USP31: variants seen among roughly 807,000 people sequenced by gnomAD.
The protein encoded by USP31 is ubiquitin specific peptidase 31.
In USP31, 44 loss-of-function variants were observed where a neutral mutation model predicts 119.4. That is an observed-to-expected ratio of 0.37 (90% CI 0.29 to 0.47). USP31 has a LOEUF of 0.47. USP31 is among the 20% of genes least tolerant of loss of function. The pLI, the probability that USP31 is intolerant of heterozygous loss-of-function variation, is 0.99. For synonymous variants in USP31, 749 were observed against 705.6 expected, an observed-to-expected ratio of 1.06 and a Z score of -0.97; for missense variants, 1,643 against 1,730.2, an observed-to-expected ratio of 0.95 and a Z score of 0.89.
chr16:23,148,608 C>A, intron 1 of USP31, 30 bp downstream of exon 1: 1 of 1,440,938 alleles, frequency 6.9e-7, no homozygotes, highest in Non-Finnish European at 9.0e-7. Flanking sequence ...GCTCGGGGTG[C>A]AGTGGGGGCG....
At chr16:23,145,286 C>T (rs769981972) in intron 1 of USP31, among the ~76,000 whole-genome samples, 8 of 152,168 alleles carry the variant, frequency 5.3e-5, no homozygotes, top group Admixed American at 2.6e-4. Flanking sequence ...TCTTGGGCAC[C>T]GCTCCAGCTC....
At chr16:23,094,322 G>A (rs1182378187) in intron 6 of USP31, among the ~76,000 whole-genome samples, 1 of 152,212 alleles carries the variant, frequency 6.6e-6, no homozygotes, top group Non-Finnish European at 1.5e-5. Flanking sequence ...TGAGGCTTGA[G>A]TAGGTAAACA....
intron 1 of USP31, among the ~76,000 whole-genome samples, chr16:23,142,733 T>C (rs1903388203): frequency 6.6e-6 from 1 of 152,152 alleles, no homozygotes; most frequent in South Asian, 2.1e-4. Context: ...CCCTCAGAGG[T>C]GTGGAGCTTT....
intron 5 of USP31, among the ~76,000 whole-genome samples, chr16:23,104,974 T>C (rs1187193419): frequency 3.3e-5 from 5 of 152,224 alleles, no homozygotes; most frequent in African/African-American, 1.2e-4. Flanking sequence ...CCAGCCGTAA[T>C]GAGAAAACAA....
chr16:23,085,764 GATTA>G, intron 9 of USP31, 102 bp from the exon 10 acceptor site: 1 of 1,066,358 alleles, frequency 9.4e-7, no homozygotes, highest in Non-Finnish European at 1.4e-6. Flanking sequence ...AATTTCAGGT[GATTA>G]ATGAAAATCT....
chr16:23,102,491 G>T (rs781188258), intron 5 of USP31, 28 bp from the exon 6 acceptor site: 19 of 1,591,122 alleles, frequency 1.2e-5, no homozygotes, highest in East Asian at 1.1e-4. Context: ...GTAAACAGGT[G>T]GGTAACTGGA....
intron 1 of USP31, among the ~76,000 whole-genome samples, chr16:23,111,667 TGA>T (rs2141879492): frequency 6.6e-6 from 1 of 152,066 alleles, no homozygotes; most frequent in African/African-American, 2.4e-5. Flanking sequence ...ACATCATCTA[TGA>T]GAGACTGAGC....
At chr16:23,148,366 T>G (rs1903590874) in intron 1 of USP31, among the ~76,000 whole-genome samples, 1 of 152,232 alleles carries the variant, frequency 6.6e-6, no homozygotes, top group Non-Finnish European at 1.5e-5. Context: ...ATAGTCTTGT[T>G]CATTGCAACG....
intron 1 of USP31, among the ~76,000 whole-genome samples, chr16:23,130,998 C>T (rs765593426): frequency 6.6e-6 from 1 of 152,102 alleles, no homozygotes; most frequent in Non-Finnish European, 1.5e-5. Context: ...TTGGAGTATA[C>T]GCTATACCCG....
intron 5 of USP31, among the ~76,000 whole-genome samples, chr16:23,104,107 A>T (rs1181132216): frequency 6.6e-6 from 1 of 152,216 alleles, no homozygotes; most frequent in African/African-American, 2.4e-5. Flanking sequence ...TGAACAAGTC[A>T]CATGCCTTTT....
At chr16:23,110,304 G>A (rs536169712) in intron 1 of USP31, among the ~76,000 whole-genome samples, 144 of 152,288 alleles carry the variant, frequency 9.5e-4, no homozygotes, top group African/African-American at 3.2e-3. Context: ...AGAAGAGGAC[G>A]GTGGTGTTAA....
In USP31 at chr16:23,149,395, A is replaced by C; in HGVS notation, c.-125T>G. On this transcript the variant is annotated 5_prime_UTR_variant, in exon 1 of 16. Transcript: ENST00000219689. ...GGGGGCTCGACGCCCCACACACCTC[A>C]AAGCGCAGCCGAGCCAGCGAGCGAG... 4.1e-6 allele frequency: 4 copies of C among 967,226 alleles called. No individual in the cohort carries two copies. The highest frequency in any genetic ancestry group is 4.9e-6 in the Non-Finnish European group (4 of 815,382). 59.9% of individuals were successfully genotyped at this position (967,226 alleles called of 1,614,324 possible).
At chr16:23,135,001 T>C (rs1425466795) in intron 1 of USP31, among the ~76,000 whole-genome samples, 1 of 152,006 alleles carries the variant, frequency 6.6e-6, no homozygotes. Flanking sequence ...ATGGGATTTA[T>C]TTCTGGAATG....
In USP31 at chr16:23,149,199, G is replaced by A. The variant is rs1903642877; in HGVS notation, c.72C>T (p.Ser24=). 1.7e-6 allele frequency: 2 copies of A among 1,156,326 alleles called. No homozygotes were observed. The highest frequency in any genetic ancestry group is 5.0e-5 in the Admixed American group (1 of 20,028). 71.6% of individuals were successfully genotyped at this position (1,156,326 alleles called of 1,614,324 possible). A position where few individuals can be genotyped will look rare whatever the true frequency, so the allele number is the denominator to read the frequency against. The change falls in exon 1 of 16, where the codon AGC becomes AGT. Residue 24 remains serine, a synonymous_variant. Transcript: ENST00000219689. ...AASGKEKRSF[S]KRLFRSGRAG... ...CGCGGCCGCTCCGAAACAGCCGCTTGCTGAAGGAGCGCTTCTCCTTCCCGC... is the reference window on the plus strand; with the variant it reads ...CGCGGCCGCTCCGAAACAGCCGCTTACTGAAGGAGCGCTTCTCCTTCCCGC...
At chr16:23,109,196 C>T (rs1465491973) in intron 1 of USP31, among the ~76,000 whole-genome samples, 5 of 152,124 alleles carry the variant, frequency 3.3e-5, no homozygotes, top group South Asian at 2.1e-4. Context: ...CACTGAAAGG[C>T]GAAGAAGTAG....
intron 1 of USP31, among the ~76,000 whole-genome samples, chr16:23,126,240 T>C (rs1902848256): frequency 1.3e-5 from 2 of 151,110 alleles, no homozygotes; most frequent in Admixed American, 6.6e-5. Context: ...GGAGGATTGC[T>C]TGAGCCCAAG....
At chr16:23,094,340 C>A (rs1246104015) in intron 6 of USP31, among the ~76,000 whole-genome samples, 2 of 152,204 alleles carry the variant, frequency 1.3e-5, no homozygotes, top group African/African-American at 4.8e-5. Flanking sequence ...ACAAAGCAGC[C>A]AGGAAGCTCA....
intron 6 of USP31, among the ~76,000 whole-genome samples, chr16:23,095,814 C>T (rs1173505650): frequency 2.0e-5 from 3 of 152,104 alleles, no homozygotes; most frequent in Non-Finnish European, 2.9e-5. Flanking sequence ...TTTGTCACCA[C>T]CAGGCCTGCC....
intron 1 of USP31, among the ~76,000 whole-genome samples, chr16:23,111,000 C>T (rs543454439): frequency 6.6e-6 from 1 of 152,070 alleles, no homozygotes; most frequent in South Asian, 2.1e-4. Flanking sequence ...TGGTGGTGGG[C>T]GCCTGTAGTC....
Sources: allele counts gnomAD v4.1 joint callset (sites outside exome capture counted in the v4.1 genomes callset), GRCh38; gene constraint gnomAD v4.1.1; transcripts MANE v1.5; gene names NCBI Gene and HGNC (gene_info 2026-07-23, HGNC 2026-07-21).